PUDP: variants seen among roughly 807,000 people sequenced by gnomAD.
The protein encoded by PUDP is pseudouridine-5'-phosphatase.
In PUDP, 8 loss-of-function variants were observed where a neutral mutation model predicts 9.4. The ratio of observed to expected loss-of-function variants is 0.85; its 90% CI spans 0.50 to 1.53. The LOEUF is 1.53. PUDP is among the 40% of genes most tolerant of loss of function. PUDP has a pLI of 0.00. For synonymous variants in PUDP, 99 were observed against 80.7 expected, an observed-to-expected ratio of 1.23 and a Z score of -1.22; for missense variants, 188 against 189.7, an observed-to-expected ratio of 0.99 and a Z score of 0.05.
intron 2 of PUDP, among the ~76,000 whole-genome samples, chrX:7,088,110 A>G (rs1260598447): frequency 8.9e-6 from 1 of 112,634 alleles, no homozygotes; most frequent in African/African-American, 3.2e-5. Flanking sequence ...AAATTAAAAC[A>G]AAACTATTTT....
At chrX:6,910,003 C>T (rs1203469876) in intron 3 of PUDP, among the ~76,000 whole-genome samples, 1 of 112,278 alleles carries the variant, frequency 8.9e-6, no homozygotes, top group Non-Finnish European at 1.9e-5. Flanking sequence ...GCTGTCTTTG[C>T]AGCTGAATTT....
chrX:7,138,525 A>T (rs1233853263), intron 1 of PUDP, among the ~76,000 whole-genome samples: 1 of 110,454 alleles, frequency 9.1e-6, no homozygotes, highest in Non-Finnish European at 1.9e-5. Flanking sequence ...GGCACGCATC[A>T]CCATGCCAGA....
At chrX:6,710,954 T>C (rs750566867) in intron 1 of PUDP, among the ~76,000 whole-genome samples, 1 of 111,380 alleles carries the variant, frequency 9.0e-6, no homozygotes, top group Admixed American at 9.6e-5. Flanking sequence ...CTGGGTTCCA[T>C]GGAGAAAGGG....
Position 6,986,510 on chromosome X carries a change from C to T in PUDP, c.205-8167G>A, listed in dbSNP as rs768727581. Among the ~76,000 whole-genome samples the T allele has an allele frequency of 7.2e-5, 8 of 111,680 alleles. No individual in the cohort carries two copies. In the East Asian group the frequency reaches 1.1e-3, roughly 16 times the overall value. Reference sequence around the variant, plus strand: ...CACAGCAGATGACAATCGCCCCCTCCGGCCACAGAAGTCTGAAAGAGGCAC... The same window carrying T: ...CACAGCAGATGACAATCGCCCCCTCTGGCCACAGAAGTCTGAAAGAGGCAC... On this transcript the variant is annotated intron_variant and NMD_transcript_variant, in intron 1 of 3. Coordinates refer to the PUDP transcript ENST00000655425.
rs1924858899 is a variant in PUDP at position 6,735,292 on chromosome X, T to A, written c.*248-28826A>T. 7.2e-5 allele frequency among the ~76,000 whole-genome samples: 8 copies of A among 111,403 alleles called. No homozygotes were observed. In the Admixed American group the frequency reaches 7.7e-4, roughly 11 times the overall value. ...TTCAGGTAGTGTTGGGCTGAGACCA[T>A]CTACACTTGGGACACAGATCTGTCC... On this transcript the variant is annotated intron_variant and NMD_transcript_variant, in intron 3 of 3. Coordinates refer to the PUDP transcript ENST00000655425.
intron 3 of PUDP, among the ~76,000 whole-genome samples, chrX:6,770,153 T>A (rs748562393): frequency 3.5e-5 from 4 of 112,962 alleles, no homozygotes; most frequent in Non-Finnish European, 7.5e-5. Flanking sequence ...CTTTCTACTC[T>A]TGACTTCCCA....
intron 3 of PUDP, among the ~76,000 whole-genome samples, chrX:6,834,171 G>A (rs1280446007): frequency 4.5e-5 from 5 of 111,903 alleles, no homozygotes; most frequent in Non-Finnish European, 7.5e-5. Context: ...CAGGAAAAGC[G>A]AGAGTTTAAT....
intron 3 of PUDP, among the ~76,000 whole-genome samples, chrX:6,957,120 C>A (rs1394715330): frequency 8.9e-6 from 1 of 111,832 alleles, no homozygotes; most frequent in Admixed American, 9.5e-5. Context: ...GTGCCTTATC[C>A]CAAATAACTG....
intron 3 of PUDP, among the ~76,000 whole-genome samples, chrX:6,735,581 T>C (rs1291112694): frequency 8.9e-6 from 1 of 112,222 alleles, no homozygotes. Context: ...CACATAATGA[T>C]CTACCCACTT....
At chrX:6,794,785 G>T (rs1925812003) in intron 3 of PUDP, among the ~76,000 whole-genome samples, 1 of 109,602 alleles carries the variant, frequency 9.1e-6, no homozygotes, top group African/African-American at 3.3e-5. Context: ...GTCTCAAACT[G>T]CTGACCTCAG....
chrX:6,737,486 C>G (rs1375085497), intron 3 of PUDP, among the ~76,000 whole-genome samples: 1 of 109,640 alleles, frequency 9.1e-6, no homozygotes, highest in Non-Finnish European at 1.9e-5. Context: ...TTTCTAGAAC[C>G]TGGTAATAAC....
intron 2 of PUDP, among the ~76,000 whole-genome samples, chrX:7,083,184 A>C (rs931908425): frequency 5.4e-5 from 6 of 111,979 alleles, no homozygotes; most frequent in Admixed American, 1.9e-4. Flanking sequence ...GAAGTTGCTG[A>C]GTTTTCAGTA....
At chrX:6,834,305 C>T (rs1371685554) in intron 3 of PUDP, among the ~76,000 whole-genome samples, 1 of 111,786 alleles carries the variant, frequency 8.9e-6, no homozygotes, top group Non-Finnish European at 1.9e-5. Flanking sequence ...GACTTTATTG[C>T]TTTCTTCATG....
At chrX:6,947,479 A>G (rs763134697) in intron 3 of PUDP, among the ~76,000 whole-genome samples, 15 of 112,604 alleles carry the variant, frequency 1.3e-4, no homozygotes, top group Admixed American at 4.7e-4. Flanking sequence ...TAACCACATC[A>G]AATGTGCTTT....
intron 3 of PUDP, among the ~76,000 whole-genome samples, chrX:6,866,675 A>C (rs1927091898): frequency 9.0e-6 from 1 of 111,722 alleles, no homozygotes; most frequent in South Asian, 3.7e-4. Flanking sequence ...AAAGATGAAG[A>C]CCAGGGAAGA....
intron 3 of PUDP, among the ~76,000 whole-genome samples, chrX:6,969,113 T>A (rs1200263729): frequency 8.9e-6 from 1 of 112,604 alleles, no homozygotes; most frequent in African/African-American, 3.2e-5. Flanking sequence ...CTCTAAACCA[T>A]CTGTGAAAAG....
chrX:6,730,025 G>A (rs773344902), intron 3 of PUDP, among the ~76,000 whole-genome samples: 19 of 112,234 alleles, frequency 1.7e-4, no homozygotes, highest in South Asian at 1.5e-3. Flanking sequence ...CACCCTCTGC[G>A]CAGAAGTAAA....
intron 3 of PUDP, among the ~76,000 whole-genome samples, chrX:6,743,870 G>C (rs1924968243): frequency 8.9e-6 from 1 of 112,046 alleles, no homozygotes; most frequent in Non-Finnish European, 1.9e-5. Flanking sequence ...CCAGAATCTT[G>C]AATTCATAAT....
intron 2 of PUDP, among the ~76,000 whole-genome samples, chrX:7,083,211 C>T: frequency 9.0e-6 from 1 of 111,708 alleles, no homozygotes; most frequent in South Asian, 3.7e-4. Context: ...GGCAGCAGCC[C>T]CAGGAAATGA....
Sources: gnomAD v4.1 joint callset for allele counts (sites outside exome capture counted in the v4.1 genomes callset) on GRCh38, gnomAD v4.1.1 for gene constraint, MANE v1.5 for transcripts, NCBI Gene and HGNC (gene_info 2026-07-23, HGNC 2026-07-21) for gene names.